The following RABGAP1L variants were observed in gnomAD, a reference collection of about 807,000 sequenced individuals.
The protein encoded by RABGAP1L is RAB GTPase activating protein 1 like.
RABGAP1L carries 63 observed loss-of-function variants against 137.7 expected under a neutral mutation model. The ratio of observed to expected loss-of-function variants is 0.46; its 90% CI spans 0.37 to 0.56. The LOEUF is 0.56. Ranked by LOEUF, RABGAP1L falls within the 20% of genes least tolerant of loss-of-function variation. The pLI is 0.00. For synonymous variants in RABGAP1L, 431 were observed against 433.7 expected, an observed-to-expected ratio of 0.99 and a Z score of 0.08; for missense variants, 1,095 against 1,244.0, an observed-to-expected ratio of 0.88 and a Z score of 1.80.
chr1:174,857,424 G>A (rs1340660018), intron 19 of RABGAP1L, among the ~76,000 whole-genome samples: 1 of 151,964 alleles, frequency 6.6e-6, no homozygotes, highest in Non-Finnish European at 1.5e-5. Context: ...ATTTGTCTAA[G>A]ACTTAGGCTT....
At position 174,313,951 on chromosome 1, in the gene RABGAP1L, T is replaced by C. The variant is rs1231432514; in HGVS notation, c.1465+8824T>C. ...TTTGCGTGAGTATTTATCAGAGATA[T>C]TGGCCTATACTTTTCTTTTTTTTGA... On this transcript the variant is annotated intron_variant, in intron 11 of 25. Transcript: ENST00000681986. Among the ~76,000 whole-genome samples the C allele has an allele frequency of 2.6e-5, 4 of 152,192 alleles. No homozygotes were observed. In the East Asian group the frequency reaches 7.7e-4, roughly 29 times the overall value.
At chr1:174,683,617 T>C (rs1393698077) in intron 15 of RABGAP1L, 21 bp downstream of exon 15, 2 of 1,569,582 alleles carry the variant, frequency 1.3e-6, no homozygotes, top group Admixed American at 1.7e-5. Context: ...GTCCGTGTGA[T>C]AAATAGCACA....
intron 13 of RABGAP1L, among the ~76,000 whole-genome samples, chr1:174,606,107 A>T (rs1025107020): frequency 1.3e-5 from 2 of 152,034 alleles, no homozygotes; most frequent in Non-Finnish European, 2.9e-5. Context: ...TTTGGTGCAA[A>T]TTTTTTTGAC....
At chr1:174,833,793 C>T (rs1013776433) in intron 19 of RABGAP1L, among the ~76,000 whole-genome samples, 24 of 151,876 alleles carry the variant, frequency 1.6e-4, no homozygotes, top group African/African-American at 4.8e-4. Flanking sequence ...AATATAAAAT[C>T]GCAAGTTGTG....
At chr1:174,856,632 G>C (rs1477164886) in intron 19 of RABGAP1L, among the ~76,000 whole-genome samples, 1 of 151,628 alleles carries the variant, frequency 6.6e-6, no homozygotes, top group African/African-American at 2.4e-5. Flanking sequence ...TTATATTAAA[G>C]TTAGACCTTT....
At chr1:174,259,329 C>G (rs889912210) in intron 7 of RABGAP1L, among the ~76,000 whole-genome samples, 3 of 152,074 alleles carry the variant, frequency 2.0e-5, no homozygotes, top group Non-Finnish European at 4.4e-5. Context: ...TTTCTCAGTG[C>G]CAGGCACTGT....
chr1:174,622,203 A>T (rs184254052), intron 13 of RABGAP1L, among the ~76,000 whole-genome samples: 140 of 152,292 alleles, frequency 9.2e-4, no homozygotes, highest in African/African-American at 3.1e-3. Context: ...GTCAGGAAAG[A>T]ACAGGTGCTG....
At chr1:174,878,917 TG>T (rs887822745) in intron 19 of RABGAP1L, among the ~76,000 whole-genome samples, 1 of 149,274 alleles carries the variant, frequency 6.7e-6, no homozygotes, top group African/African-American at 2.5e-5. Context: ...TGTAATTTTT[TG>T]TGCATTGTTT....
At chr1:174,854,624 A>C (rs1648934764) in intron 19 of RABGAP1L, among the ~76,000 whole-genome samples, 1 of 151,058 alleles carries the variant, frequency 6.6e-6, no homozygotes, top group Non-Finnish European at 1.5e-5. Flanking sequence ...GCAAGCAGGA[A>C]ATGAGTGATA....
At chr1:174,610,081 T>A (rs180876891) in intron 13 of RABGAP1L, among the ~76,000 whole-genome samples, 2 of 151,470 alleles carry the variant, frequency 1.3e-5, no homozygotes, top group East Asian at 3.9e-4. Flanking sequence ...ATATTTTAAG[T>A]TTTAGGGTAC....
Position 174,555,997 on chromosome 1 carries a change from T to C in RABGAP1L, c.1711-81378T>C, listed in dbSNP as rs34489456. On this transcript the variant is annotated intron_variant, in intron 13 of 25. Coordinates refer to ENST00000681986, the MANE Select transcript of RABGAP1L (RefSeq NM_001366446.1). Reference sequence around the variant, plus strand: ...ATAAAAGCTGAGTTCGTTTGCCTTTTTTTTTTTTTTTTTTTTTTAAGATGG... The same window carrying C: ...ATAAAAGCTGAGTTCGTTTGCCTTTCTTTTTTTTTTTTTTTTTTAAGATGG... Among the ~76,000 whole-genome samples, 846 of 149,176 alleles carry C rather than the reference T, an allele frequency of 5.7e-3. 5 individuals carry two copies. Among genetic ancestry groups the C allele is most frequent in the Non-Finnish European group, 8.0e-3 (534 of 67,002 alleles).
chr1:174,170,671 CAAAAAAAAAAAA>C lies in RABGAP1L; in HGVS notation c.-34+11026_-34+11037del, dbSNP rs35800051. On this transcript the variant is annotated intron_variant, in intron 1 of 25. Coordinates refer to ENST00000681986, the MANE Select transcript of RABGAP1L (RefSeq NM_001366446.1). ...GCCTGGACAGAGTGAGACGCTGTTTCAAAAAAAAAAAAAAAAAAAAAAATCACGTAGCTTGTG... is the reference window on the plus strand; with the variant it reads ...GCCTGGACAGAGTGAGACGCTGTTTCAAAAAAAAAAATCACGTAGCTTGTG... Among the ~76,000 whole-genome samples the C allele has an allele frequency of 8.2e-5, 7 of 85,360 alleles. No individual in the cohort carries two copies. The South Asian group carries it at 3.3e-3, about 40-fold the overall frequency. 56.0% of individuals were successfully genotyped at this position (85,360 alleles called of 152,430 possible).
At chr1:174,670,910 C>A (rs920627151) in intron 14 of RABGAP1L, among the ~76,000 whole-genome samples, 13 of 152,086 alleles carry the variant, frequency 8.5e-5, no homozygotes, top group Non-Finnish European at 1.9e-4. Flanking sequence ...TTATACCTAG[C>A]AATGGGATTG....
chr1:174,796,892 A>C (rs1290291350), intron 18 of RABGAP1L, among the ~76,000 whole-genome samples: 1 of 151,956 alleles, frequency 6.6e-6, no homozygotes, highest in Non-Finnish European at 1.5e-5. Flanking sequence ...TTGTAATTCC[A>C]GCTACTCGTG....
intron 13 of RABGAP1L, among the ~76,000 whole-genome samples, chr1:174,432,802 C>G (rs899595549): frequency 6.6e-6 from 1 of 152,126 alleles, no homozygotes; most frequent in Non-Finnish European, 1.5e-5. Context: ...TCTGAAAGTG[C>G]TAGTATTACA....
At chr1:174,250,700 T>G in intron 6 of RABGAP1L, 68 bp downstream of exon 6, 1 of 1,410,218 alleles carries the variant, frequency 7.1e-7, no homozygotes, top group Non-Finnish European at 9.7e-7. Context: ...ATATAAAGTT[T>G]CAAGAAACTA....
intron 19 of RABGAP1L, among the ~76,000 whole-genome samples, chr1:174,952,339 CAAAAAAAA>C (rs59406597): frequency 6.3e-5 from 2 of 31,724 alleles, no homozygotes; most frequent in African/African-American, 3.1e-4. Flanking sequence ...CTGGCTCTAC[CAAAAAAAA>C]AAAAAAAAAA....
At chr1:174,427,884 T>C (rs1652145102) in intron 13 of RABGAP1L, among the ~76,000 whole-genome samples, 2 of 152,162 alleles carry the variant, frequency 1.3e-5, no homozygotes, top group South Asian at 4.1e-4. Flanking sequence ...CAATGAAATA[T>C]GTTATCAGAG....
chr1:174,161,109 C>G (rs147525454), intron 1 of RABGAP1L, among the ~76,000 whole-genome samples: 2 of 152,222 alleles, frequency 1.3e-5, no homozygotes, highest in African/African-American at 4.8e-5. Flanking sequence ...TATACTAAAT[C>G]AGTTCAATAA....
Sources: allele counts gnomAD v4.1 joint callset (sites outside exome capture counted in the v4.1 genomes callset), GRCh38; gene constraint gnomAD v4.1.1; transcripts MANE v1.5; gene names NCBI Gene and HGNC (gene_info 2026-07-23, HGNC 2026-07-21).